SVOPL: variants seen among roughly 807,000 people sequenced by gnomAD.
SVOPL encodes SVOP like.
In SVOPL, 60 loss-of-function variants were observed where a neutral mutation model predicts 61.0. The ratio of observed to expected loss-of-function variants is 0.98; its 90% CI spans 0.80 to 1.22. The LOEUF (loss-of-function observed/expected upper bound fraction) is 1.22. SVOPL is among the 50% of genes most tolerant of loss of function. SVOPL has a pLI of 0.00. For synonymous variants in SVOPL, 279 were observed against 250.0 expected, an observed-to-expected ratio of 1.12 and a Z score of -1.09; for missense variants, 662 against 643.9, an observed-to-expected ratio of 1.03 and a Z score of -0.30.
chr7:138,669,204 A>G (rs2117104414), intron 4 of SVOPL, among the ~76,000 whole-genome samples: 2 of 152,240 alleles, frequency 1.3e-5, no homozygotes, highest in Middle Eastern at 6.8e-3. Flanking sequence ...TGATCCCAAC[A>G]CTTTGAGAGG....
At chr7:138,661,957 G>T (rs1250721017) in intron 5 of SVOPL, 1 of 985,296 alleles carries the variant, frequency 1.0e-6, no homozygotes, top group Non-Finnish European at 1.2e-6. Flanking sequence ...ATTACCAATA[G>T]GCTCCTCTTG....
chr7:138,598,845 TA>T (rs1259697642), intron 14 of SVOPL, among the ~76,000 whole-genome samples: 1 of 152,108 alleles, frequency 6.6e-6, no homozygotes, highest in Non-Finnish European at 1.5e-5. Flanking sequence ...TTAAGTACAT[TA>T]AAAAATCTAC....
chr7:138,642,770 C>A lies in SVOPL; in HGVS notation c.789+1947G>T, dbSNP rs1406156622. ...ACTTGAACCCAGGAGGCAGAGGTTGCAGTAAGCCGAGATCACGCTACTACA... is the reference window on the plus strand; with the variant it reads ...ACTTGAACCCAGGAGGCAGAGGTTGAAGTAAGCCGAGATCACGCTACTACA... On this transcript the variant is annotated intron_variant, in intron 9 of 15. Transcript: ENST00000674285. Among the ~76,000 whole-genome samples, 3 of 145,736 alleles carry A rather than the reference C, an allele frequency of 2.1e-5. No homozygotes were observed. The East Asian group carries it at 6.1e-4, about 30-fold the overall frequency.
chr7:138,640,560 T>A lies in SVOPL; in HGVS notation c.789+4157A>T, dbSNP rs138781846. Among the ~76,000 whole-genome samples the A allele has an allele frequency of 4.3e-3, 655 of 152,300 alleles. 8 individuals carry two copies. The highest frequency in any genetic ancestry group is 0.015 in the African/African-American group (606 of 41,566). ...CCACTGCACCCAGCTTTTTAAAAAA[T>A]TTTTAAACAGATTAAGGCAGCCACA... On this transcript the variant is annotated intron_variant, in intron 9 of 15. Coordinates refer to ENST00000674285, the MANE Select transcript of SVOPL (RefSeq NM_001139456.2).
intron 1 of SVOPL, among the ~76,000 whole-genome samples, chr7:138,692,580 T>C (rs56168037): frequency 0.031 from 4,670 of 152,296 alleles, 117 homozygotes; most frequent in South Asian, 0.087. Flanking sequence ...ATAATAATAA[T>C]ATTTTGTTTC....
chr7:138,629,930 G>GGAGTTAGTCTTTGGAGT, intron 10 of SVOPL, 119 bp downstream of exon 10: 1 of 739,608 alleles, frequency 1.4e-6, no homozygotes, highest in Non-Finnish European at 2.3e-6. Flanking sequence ...GCTTGTCTTT[G>GGAGTTAGTCTTTGGAGT]TAGTATTTGG....
rs1296804145 is a variant in SVOPL at position 138,637,469 on chromosome 7, G to GAT, written c.789+7246_789+7247dup. Among the ~76,000 whole-genome samples, 53 of 29,430 alleles carry GAT rather than the reference G, an allele frequency of 1.8e-3. 2 individuals are homozygous for GAT. Among genetic ancestry groups the GAT allele is most frequent in the African/African-American group, 2.7e-3 (51 of 18,848 alleles). The allele number at this position is 29,430 out of a possible 152,430, so 19.3% of individuals were successfully genotyped here. A position where few individuals can be genotyped will look rare whatever the true frequency, so the allele number is the denominator to read the frequency against. On this transcript the variant is annotated intron_variant, in intron 9 of 15. Coordinates refer to ENST00000674285, the MANE Select transcript of SVOPL (RefSeq NM_001139456.2). ...ATAGATAGATAGATATATATATATA[G>GAT]ATATAGATATAGATATAGATAGATA...
intron 1 of SVOPL, among the ~76,000 whole-genome samples, chr7:138,698,414 A>C (rs375456166): frequency 3.3e-5 from 5 of 151,688 alleles, no homozygotes; most frequent in East Asian, 3.9e-4. Context: ...TCTTCCTCAC[A>C]CCCCCTCGCT....
intron 4 of SVOPL, chr7:138,663,643 C>T (rs2117088352): frequency 1.0e-6 from 1 of 969,664 alleles, no homozygotes; most frequent in African/African-American, 1.8e-5. Flanking sequence ...CTTACTCGTT[C>T]TCACAATGGC....
At chr7:138,679,418 C>T (rs890470610) in intron 1 of SVOPL, among the ~76,000 whole-genome samples, 6 of 151,920 alleles carry the variant, frequency 3.9e-5, no homozygotes, top group East Asian at 3.9e-4. Context: ...TACAGGCATG[C>T]GTCACCATGC....
intron 14 of SVOPL, among the ~76,000 whole-genome samples, chr7:138,612,429 T>TAAAAAAAAAAAAAAAAAAAAAAAAAAAAA (rs1799084478): frequency 1.3e-5 from 1 of 78,146 alleles, no homozygotes; most frequent in Non-Finnish European, 2.6e-5. Flanking sequence ...AAAAATAAAA[T>TAAAAAAAAAAAAAAAAAAAAAAAAAAAAA]AAAAAATAAA....
intron 14 of SVOPL, among the ~76,000 whole-genome samples, chr7:138,610,504 T>A (rs573643112): frequency 6.6e-5 from 10 of 152,372 alleles, no homozygotes; most frequent in African/African-American, 2.4e-4. Context: ...TTCTACTTTG[T>A]AGGTTTTTGT....
rs1563095770 is a variant in SVOPL at position 138,621,946 on chromosome 7, G to GTATC, written c.1264-815_1264-812dup. Among the ~76,000 whole-genome samples, 98 of 16,422 alleles carry GTATC rather than the reference G, an allele frequency of 6.0e-3. 27 individuals carry two copies. Among genetic ancestry groups the GTATC allele is most frequent in the East Asian group, 0.037 (6 of 164 alleles). 10.8% of individuals were successfully genotyped at this position (16,422 alleles called of 152,430 possible). ...TCTATCTATGTATCTATCTATCTATGTATCTATCTATCTATGTATCTATCT... is the reference window on the plus strand; with the variant it reads ...TCTATCTATGTATCTATCTATCTATGTATCTATCTATCTATCTATGTATCTATCT... On this transcript the variant is annotated intron_variant, in intron 13 of 15. Transcript: ENST00000674285.
intron 3 of SVOPL, among the ~76,000 whole-genome samples, chr7:138,678,159 T>A (rs1802614413): frequency 6.6e-6 from 1 of 152,210 alleles, no homozygotes; most frequent in South Asian, 2.1e-4. Flanking sequence ...TGTTTACATT[T>A]ACCTATAGCC....
intron 9 of SVOPL, among the ~76,000 whole-genome samples, chr7:138,634,069 C>G (rs1800348143): frequency 6.6e-6 from 1 of 152,200 alleles, no homozygotes; most frequent in South Asian, 2.1e-4. Context: ...TCCTGCCAGC[C>G]CTAGCAAGGT....
At chr7:138,615,459 A>C (rs1799249719) in intron 14 of SVOPL, among the ~76,000 whole-genome samples, 1 of 150,540 alleles carries the variant, frequency 6.6e-6, no homozygotes, top group South Asian at 2.1e-4. Context: ...CGGGAGGCTG[A>C]GGCAGGAGAA....
chr7:138,611,816 A>AC (rs1462105566), intron 14 of SVOPL, among the ~76,000 whole-genome samples: 1 of 30,582 alleles, frequency 3.3e-5, no homozygotes, highest in African/African-American at 8.2e-5. Context: ...GACAACCTAC[A>AC]CCTCCCAGCC....
rs1387003147 is a variant in SVOPL at position 138,606,539 on chromosome 7, G to A, written c.1354-10009C>T. 6.6e-5 allele frequency among the ~76,000 whole-genome samples: 10 copies of A among 152,242 alleles called. No individual in the cohort carries two copies. The East Asian group carries it at 1.7e-3, about 26-fold the overall frequency. On this transcript the variant is annotated intron_variant, in intron 14 of 15. Transcript: ENST00000674285. ...CCCACTGTGGACATGTCTGAAAGGG[G>A]AGGAAATTTTTTCCCAAGGAGCCCG... is the stretch of plus-strand genomic sequence containing the variant.
rs560605715 is a variant in SVOPL, at chr7:138,603,069, A to G, written c.1354-6539T>C. 3.5e-4 allele frequency among the ~76,000 whole-genome samples: 54 copies of G among 152,294 alleles called. No individual in the cohort carries two copies. In the South Asian group the frequency reaches 0.011, roughly 31 times the overall value. On this transcript the variant is annotated intron_variant, in intron 14 of 15. Coordinates refer to ENST00000674285, the MANE Select transcript of SVOPL (RefSeq NM_001139456.2). ...TCTATATATACATACACATCCACAT[A>G]TATACAAATATGACTGGAACACACA...
Sources: gnomAD v4.1 joint callset for allele counts (sites outside exome capture counted in the v4.1 genomes callset) on GRCh38, gnomAD v4.1.1 for gene constraint, MANE v1.5 for transcripts, NCBI Gene and HGNC (gene_info 2026-07-23, HGNC 2026-07-21) for gene names.